Variants in TMEM117 observed in about 807,000 individuals in gnomAD.
TMEM117 encodes transmembrane protein 117.
A neutral mutation model predicts 52.4 loss-of-function variants in TMEM117; 27 were observed. The ratio of observed to expected loss-of-function variants is 0.51; its 90% CI spans 0.38 to 0.71. TMEM117 has a LOEUF of 0.71. Ranked by LOEUF, TMEM117 falls within the 30% of genes least tolerant of loss-of-function variation. TMEM117 has a pLI of 0.00. For missense variants in TMEM117, 556 were observed against 630.5 expected, an observed-to-expected ratio of 0.88 and a Z score of 1.26; for synonymous variants, 215 against 206.3, an observed-to-expected ratio of 1.04 and a Z score of -0.36.
At chr12:44,055,126 A>G (rs1440846587) in intron 3 of TMEM117, among the ~76,000 whole-genome samples, 2 of 151,606 alleles carry the variant, frequency 1.3e-5, no homozygotes, top group Non-Finnish European at 2.9e-5. Context: ...TTTAGATAAG[A>G]AAAGTATAAA....
chr12:43,819,145 G>C, the TMEM117 span, among the ~76,000 whole-genome samples: 1 of 152,142 alleles, frequency 6.6e-6, no homozygotes, highest in South Asian at 2.1e-4. Context: ...GGGATTTGTT[G>C]AACCAGTTGT....
intron 5 of TMEM117, among the ~76,000 whole-genome samples, chr12:44,223,001 G>C (rs920717141): frequency 6.7e-6 from 1 of 149,842 alleles, no homozygotes; most frequent in African/African-American, 2.5e-5. Context: ...CATAAACCAA[G>C]AATTCAAAAA....
chr12:43,942,939 G>A (rs150694122), intron 2 of TMEM117, among the ~76,000 whole-genome samples: 1,766 of 152,064 alleles, frequency 0.012, 41 homozygotes, highest in East Asian at 0.07. Context: ...AGCACTTTGG[G>A]AGGCCGAGGA....
chr12:43,915,592 G>A (rs1156574150), intron 2 of TMEM117, among the ~76,000 whole-genome samples: 1 of 152,118 alleles, frequency 6.6e-6, no homozygotes, highest in Non-Finnish European at 1.5e-5. Context: ...ATTGCACTTA[G>A]TCCCAGGCCA....
intron 6 of TMEM117, among the ~76,000 whole-genome samples, chr12:44,344,695 T>G (rs1273021830): frequency 1.3e-5 from 2 of 152,046 alleles, no homozygotes; most frequent in Non-Finnish European, 2.9e-5. Flanking sequence ...TTGCATAAAT[T>G]TGTGACTCTA....
chr12:44,143,696 GCTTT>G, intron 4 of TMEM117, 72 bp downstream of exon 4: 2 of 1,075,072 alleles, frequency 1.9e-6, no homozygotes, highest in Non-Finnish European at 2.7e-6. Flanking sequence ...GACAGACACT[GCTTT>G]TGATGATGTA....
intron 2 of TMEM117, among the ~76,000 whole-genome samples, chr12:43,918,004 T>C (rs1313276513): frequency 1.3e-5 from 2 of 152,180 alleles, no homozygotes; most frequent in Admixed American, 6.6e-5. Flanking sequence ...AGGGCTATTA[T>C]CTGGTAGATA....
At chr12:44,073,067 C>T (rs1049692383) in intron 3 of TMEM117, among the ~76,000 whole-genome samples, 8 of 151,332 alleles carry the variant, frequency 5.3e-5, no homozygotes, top group Non-Finnish European at 1.2e-4. Context: ...TCCAGCCTGG[C>T]GACAGAGCGA....
At chr12:43,865,423 A>G (rs7971036) in intron 2 of TMEM117, among the ~76,000 whole-genome samples, 9,398 of 152,232 alleles carry the variant, frequency 0.062, 362 homozygotes, top group Middle Eastern at 0.13. Flanking sequence ...TTGGCCAGGT[A>G]TACTGGCTCA....
the TMEM117 span, among the ~76,000 whole-genome samples, chr12:43,827,568 A>G: frequency 6.6e-6 from 1 of 152,184 alleles, no homozygotes; most frequent in Non-Finnish European, 1.5e-5. Flanking sequence ...ACAAAAACAC[A>G]TTATCTTTAT....
At chr12:44,331,974 A>G (rs1951276459) in intron 6 of TMEM117, among the ~76,000 whole-genome samples, 1 of 152,108 alleles carries the variant, frequency 6.6e-6, no homozygotes, top group Non-Finnish European at 1.5e-5. Context: ...GATAAGATTT[A>G]TTAATAATGT....
At chr12:43,970,594 A>G (rs185069754) in intron 3 of TMEM117, among the ~76,000 whole-genome samples, 1 of 152,242 alleles carries the variant, frequency 6.6e-6, no homozygotes, top group African/African-American at 2.4e-5. Flanking sequence ...GGCCTGCTCT[A>G]CTTTATTATA....
Position 44,388,557 on chromosome 12 carries a change from T to C in TMEM117, c.1430T>C (p.Val477Ala). Residue 477 changes from valine to alanine, a missense_variant, in exon 8 of 8, where the codon GTC becomes GCC. Physicochemically the swap from Val to Ala is moderately conservative, Grantham distance 64. Transcript: ENST00000266534. Reference protein sequence around the residue: ...VCIRSDFNEIVYKSSHLTSEN... With the variant: ...VCIRSDFNEIAYKSSHLTSEN... ...ATCAGGTCTGACTTCAATGAGATCGTCTACAAGTCTTCCCACCTAACCTCG... is the reference window on the plus strand; with the variant it reads ...ATCAGGTCTGACTTCAATGAGATCGCCTACAAGTCTTCCCACCTAACCTCG... 1 of 1,613,542 alleles carries C rather than the reference T, an allele frequency of 6.2e-7. No homozygotes were observed. The highest frequency in any genetic ancestry group is 1.1e-5 in the South Asian group (1 of 91,074).
intron 6 of TMEM117, among the ~76,000 whole-genome samples, chr12:44,333,841 G>T (rs756126660): frequency 2.0e-5 from 3 of 151,994 alleles, no homozygotes; most frequent in Non-Finnish European, 4.4e-5. Context: ...ACATGGCATG[G>T]TCTGGGGAGC....
At chr12:44,083,870 T>A (rs1378971397) in intron 3 of TMEM117, among the ~76,000 whole-genome samples, 1 of 152,152 alleles carries the variant, frequency 6.6e-6, no homozygotes, top group Non-Finnish European at 1.5e-5. Context: ...TTGTTCAGTT[T>A]TTCCTCCCAG....
chr12:44,128,866 C>T (rs896385687), intron 3 of TMEM117, among the ~76,000 whole-genome samples: 1 of 152,158 alleles, frequency 6.6e-6, no homozygotes, highest in Non-Finnish European at 1.5e-5. Flanking sequence ...GTCTTGAAGT[C>T]TTACCTGCAT....
intron 4 of TMEM117, among the ~76,000 whole-genome samples, chr12:44,175,046 G>A (rs1215284851): frequency 6.6e-6 from 1 of 152,162 alleles, no homozygotes; most frequent in African/African-American, 2.4e-5. Context: ...GAGCTGGAGC[G>A]GTTGAAGGAC....
chr12:43,939,812 A>G lies in TMEM117; in HGVS notation c.278-4398A>G, dbSNP rs146470448. Among the ~76,000 whole-genome samples, 1,063 of 152,330 alleles carry G rather than the reference A, an allele frequency of 7.0e-3. 10 individuals carry two copies. The highest frequency in any genetic ancestry group is 0.023 in the African/African-American group (959 of 41,570). On this transcript the variant is annotated intron_variant, in intron 2 of 7. Transcript: ENST00000266534. ...AGATATACCTAAGACTGGGTAATTT[A>G]TAAAGGAAAGAGATTTAATCGACTC...
At chr12:44,081,177 A>C (rs1947476142) in intron 3 of TMEM117, among the ~76,000 whole-genome samples, 1 of 152,184 alleles carries the variant, frequency 6.6e-6, no homozygotes, top group East Asian at 1.9e-4. Flanking sequence ...TTCACACATG[A>C]AGCAGAAAAA....
Sources: allele counts gnomAD v4.1 joint callset (sites outside exome capture counted in the v4.1 genomes callset), GRCh38; gene constraint gnomAD v4.1.1; transcripts MANE v1.5; gene names NCBI Gene and HGNC (gene_info 2026-07-23, HGNC 2026-07-21).